The following STK24 variants were observed in gnomAD, a reference collection of about 807,000 sequenced individuals.
The protein encoded by STK24 is serine/threonine kinase 24, also known as serine/threonine-protein kinase 24.
A neutral mutation model predicts 55.6 loss-of-function variants in STK24; 21 were observed. The ratio of observed to expected loss-of-function variants is 0.38; its 90% confidence interval spans 0.27 to 0.54. The LOEUF (loss-of-function observed/expected upper bound fraction) is 0.54, where lower values mean the gene tolerates loss of function less well. STK24 is among the 20% of genes least tolerant of loss of function. The pLI is 0.79. For synonymous variants in STK24, 200 were observed against 215.2 expected (o/e 0.93, Z 0.62); for missense variants, 383 against 538.4 (o/e 0.71, Z 2.86).
intron 1 of STK24, among the ~76,000 whole-genome samples, chr13:98,544,021 C>T (rs1425516097): frequency 6.6e-6 from 1 of 152,170 alleles, no homozygotes; most frequent in Non-Finnish European, 1.5e-5. Flanking sequence ...TTAAAAATAG[C>T]TATGAAGAGG....
At position 98,451,876 on chromosome 13, in the gene STK24, T is replaced by C. The variant is rs1329703738; in HGVS notation, c.*1297A>G. The C allele has an allele frequency of 1.3e-5, 2 of 152,148 alleles. No homozygotes were observed. The highest frequency in any genetic ancestry group is 1.3e-4 in the Admixed American group (2 of 15,284). The allele number at this position is 152,148 out of a possible 1,614,324, so 9.4% of individuals were successfully genotyped here. A position where few individuals can be genotyped will look rare whatever the true frequency, so the allele number is the denominator to read the frequency against. ...ACACTGGCTGCCTGCCTAGCAAGCA[T>C]AGGCCCCTTCCAGAGAAGCAAAATA... On this transcript the variant is annotated 3_prime_UTR_variant, in exon 11 of 11. Transcript: ENST00000539966.
At chr13:98,549,458 T>TTGGAGG (rs1897109015) in intron 1 of STK24, among the ~76,000 whole-genome samples, 1 of 152,178 alleles carries the variant, frequency 6.6e-6, no homozygotes, top group Admixed American at 6.5e-5. Context: ...ATCCCCAGTG[T>TTGGAGG]TGGAGGTGGG....
intron 2 of STK24, among the ~76,000 whole-genome samples, chr13:98,498,153 A>T (rs1336808701): frequency 6.6e-6 from 1 of 152,252 alleles, no homozygotes; most frequent in Admixed American, 6.5e-5. Context: ...AACTGTTGAT[A>T]GAGATATGAT....
intron 1 of STK24, among the ~76,000 whole-genome samples, chr13:98,555,873 G>A (rs1185345628): frequency 2.0e-5 from 3 of 151,616 alleles, no homozygotes; most frequent in South Asian, 2.1e-4. Context: ...TAGTAAAGAT[G>A]GGGTTTCACC....
chr13:98,448,046 C>T lies in STK24; in HGVS notation c.*5127G>A, dbSNP rs1256119664. On this transcript the variant is annotated 3_prime_UTR_variant, in exon 11 of 11. Coordinates refer to ENST00000539966, the MANE Select transcript of STK24 (RefSeq NM_001032296.4). ...TTCCAGCTCCACACTGAGTGAGTGC[C>T]CAGGCCAGTGGGTCTCCACTGTACC... 3.3e-6 allele frequency: 2 copies of T among 609,530 alleles called. No homozygotes were observed. Among genetic ancestry groups the T allele is most frequent in the Non-Finnish European group, 5.9e-6 (2 of 337,676 alleles). 37.8% of individuals were successfully genotyped at this position (609,530 alleles called of 1,614,324 possible).
chr13:98,575,371 AACATATATACAC>A (rs1218586269), intron 1 of STK24, among the ~76,000 whole-genome samples: 11 of 151,414 alleles, frequency 7.3e-5, no homozygotes, highest in African/African-American at 2.4e-4. Context: ...TTACTGCTTA[AACATATATACAC>A]ACATATATAT....
At chr13:98,540,091 T>A (rs1896846583) in intron 1 of STK24, among the ~76,000 whole-genome samples, 1 of 152,208 alleles carries the variant, frequency 6.6e-6, no homozygotes, top group African/African-American at 2.4e-5. Flanking sequence ...AACGTCATGC[T>A]AAGCAAAAGC....
chr13:98,465,767 G>A (rs2139265853), intron 6 of STK24, among the ~76,000 whole-genome samples: 1 of 152,262 alleles, frequency 6.6e-6, no homozygotes, highest in Middle Eastern at 3.4e-3. Context: ...AGGACATATG[G>A]TGCTACCTCC....
chr13:98,476,404 A>G (rs1894379750), intron 3 of STK24, among the ~76,000 whole-genome samples: 1 of 152,220 alleles, frequency 6.6e-6, no homozygotes. Flanking sequence ...ATGGTCCCCC[A>G]TTCTTGGTTT....
intron 8 of STK24, among the ~76,000 whole-genome samples, chr13:98,461,220 C>G (rs968141469): frequency 6.6e-6 from 1 of 152,176 alleles, no homozygotes; most frequent in Admixed American, 6.5e-5. Context: ...CAAAGCGGGA[C>G]TTGTAGGATC....
intron 1 of STK24, among the ~76,000 whole-genome samples, chr13:98,529,203 AAC>A (rs1438398208): frequency 6.6e-6 from 1 of 151,958 alleles, no homozygotes; most frequent in Non-Finnish European, 1.5e-5. Flanking sequence ...TTTCATCGTT[AAC>A]AGTGTTGCTA....
At chr13:98,497,874 A>G (rs74109148) in intron 2 of STK24, among the ~76,000 whole-genome samples, 2,678 of 152,292 alleles carry the variant, frequency 0.018, 86 homozygotes, top group African/African-American at 0.061. Context: ...CTAACTCTCT[A>G]AAGGAATCTA....
intron 1 of STK24, among the ~76,000 whole-genome samples, chr13:98,545,045 T>G (rs575900289): frequency 1.3e-5 from 2 of 152,170 alleles, no homozygotes; most frequent in South Asian, 4.1e-4. Context: ...CCTAGGGAAA[T>G]AGACAAGTGA....
At chr13:98,459,337 G>A (rs1428197339) in intron 9 of STK24, among the ~76,000 whole-genome samples, 3 of 152,220 alleles carry the variant, frequency 2.0e-5, no homozygotes, top group Non-Finnish European at 2.9e-5. Flanking sequence ...CGACACCAGC[G>A]GGCTCGGCTA....
intron 1 of STK24, among the ~76,000 whole-genome samples, chr13:98,561,133 A>G (rs1897407009): frequency 2.6e-5 from 4 of 152,208 alleles, no homozygotes. Context: ...GCCCAGCAGG[A>G]GTGTAAGTGT....
At chr13:98,562,528 T>C (rs1219947597) in intron 1 of STK24, among the ~76,000 whole-genome samples, 3 of 152,164 alleles carry the variant, frequency 2.0e-5, no homozygotes, top group Non-Finnish European at 4.4e-5. Context: ...TTTCGGGGAA[T>C]TTCAAAAACA....
intron 2 of STK24, among the ~76,000 whole-genome samples, chr13:98,516,508 C>A (rs1186252257): frequency 1.3e-5 from 2 of 152,234 alleles, no homozygotes; most frequent in African/African-American, 4.8e-5. Context: ...ACGAAGCACA[C>A]TATTCAATGA....
Position 98,555,681 on chromosome 13 carries a change from CT to C in STK24, c.42+21063del, listed in dbSNP as rs371915680. ...GTCCTACACATATCAGCCTCCCTGT[CT>C]TTTTTTTTTTTTTTTTGAGATGGAG... is the stretch of plus-strand genomic sequence containing the variant. On this transcript the variant is annotated intron_variant, in intron 1 of 10. Transcript: ENST00000539966. 3.7e-3 allele frequency among the ~76,000 whole-genome samples: 478 copies of C among 129,220 alleles called. 1 individual carries two copies. The highest frequency in any genetic ancestry group is 8.9e-3 in the African/African-American group (307 of 34,500). 84.8% of individuals were successfully genotyped at this position (129,220 alleles called of 152,430 possible). A position where few individuals can be genotyped will look rare whatever the true frequency, so the allele number is the denominator to read the frequency against.
intron 2 of STK24, among the ~76,000 whole-genome samples, chr13:98,491,472 T>C (rs1345264071): frequency 6.6e-6 from 1 of 152,004 alleles, no homozygotes; most frequent in African/African-American, 2.4e-5. Flanking sequence ...AACTTAAACA[T>C]AGGGGTGCAC....
Sources: gnomAD v4.1 joint callset for allele counts (sites outside exome capture counted in the v4.1 genomes callset) on GRCh38, gnomAD v4.1.1 for gene constraint, MANE v1.5 for transcripts, NCBI Gene and HGNC (gene_info 2026-07-23, HGNC 2026-07-21) for gene names.